Variants in KIAA1671 observed in about 807,000 individuals in gnomAD.
KIAA1671 encodes the protein KIAA1671, also known as uncharacterized protein KIAA1671.
A neutral mutation model predicts 131.2 loss-of-function variants in KIAA1671; 52 were observed. That is an observed-to-expected ratio of 0.40 (90% confidence interval 0.32 to 0.50). The LOEUF (loss-of-function observed/expected upper bound fraction) is 0.50, where lower values mean the gene tolerates loss of function less well. Ranked by LOEUF, KIAA1671 falls within the 20% of genes least tolerant of loss-of-function variation. The probability of loss-of-function intolerance (pLI) is 0.73; values close to 1 mark genes in which losing one functional copy is unlikely to be tolerated. For synonymous variants in KIAA1671, 1,003 were observed against 961.6 expected, an observed-to-expected ratio of 1.04 and a Z score of -0.80; for missense variants, 2,360 against 2,364.2, an observed-to-expected ratio of 1.00 and a Z score of 0.04.
chr22:25,129,658 C>T (rs951049610), intron 6 of KIAA1671, among the ~76,000 whole-genome samples: 1 of 102,098 alleles, frequency 9.8e-6, no homozygotes, highest in Non-Finnish European at 1.8e-5. Context: ...TTTCTCTTTT[C>T]CTTTTTTTTT....
At chr22:25,099,415 C>T (rs1004979718) in intron 6 of KIAA1671, among the ~76,000 whole-genome samples, 3 of 151,984 alleles carry the variant, frequency 2.0e-5, no homozygotes, top group African/African-American at 7.2e-5. Context: ...GCCTGGCACA[C>T]ACAATATGTC....
rs1423399942 is a variant in KIAA1671 at position 25,194,708 on chromosome 22, G to A, written c.*2307G>A. On this transcript the variant is annotated 3_prime_UTR_variant, in exon 13 of 13. Transcript: ENST00000358431. ...CCCTCCTTGAAAGTGACTAGGGCAA[G>A]CCCTGAAGATCTTCCTCACCTCCTT... The A allele has an allele frequency of 3.9e-5, 6 of 152,214 alleles. No homozygotes were observed. The highest frequency in any genetic ancestry group is 5.9e-5 in the Non-Finnish European group (4 of 68,048). 9.4% of individuals were successfully genotyped at this position (152,214 alleles called of 1,614,324 possible).
intron 6 of KIAA1671, chr22:25,102,463 G>A (rs1930737086): frequency 6.6e-6 from 1 of 152,256 alleles, no homozygotes; most frequent in Non-Finnish European, 1.5e-5. Flanking sequence ...GTTGTTTTGA[G>A]ACAGAGTCTT....
At chr22:25,156,274 C>T (rs1933239307) in intron 6 of KIAA1671, among the ~76,000 whole-genome samples, 1 of 151,848 alleles carries the variant, frequency 6.6e-6, no homozygotes, top group Admixed American at 6.6e-5. Flanking sequence ...ATCCGCCCTC[C>T]TCGGCTTCCC....
At chr22:25,099,764 C>T (rs1427044288) in intron 6 of KIAA1671, among the ~76,000 whole-genome samples, 7 of 152,132 alleles carry the variant, frequency 4.6e-5, no homozygotes, top group Admixed American at 1.3e-4. Flanking sequence ...CCACCCGCCT[C>T]GGCCTCCCGA....
intron 6 of KIAA1671, among the ~76,000 whole-genome samples, chr22:25,072,606 TG>T (rs1928888495): frequency 6.6e-6 from 1 of 152,170 alleles, no homozygotes; most frequent in Admixed American, 6.5e-5. Flanking sequence ...AACTCTTGCT[TG>T]ACCTCTCAAG....
intron 6 of KIAA1671, among the ~76,000 whole-genome samples, chr22:25,163,690 G>A (rs1933542915): frequency 6.6e-6 from 1 of 151,474 alleles, no homozygotes; most frequent in African/African-American, 2.4e-5. Context: ...TGCCCACCTC[G>A]GCCTCCCAAA....
chr22:25,185,334 G>A (rs1934440040), intron 11 of KIAA1671: 1 of 541,414 alleles, frequency 1.8e-6, no homozygotes, highest in Non-Finnish European at 3.1e-6. Context: ...CAGGCCAGCT[G>A]GCCTCTCCTC....
At chr22:25,080,079 C>T (rs1929326638) in intron 6 of KIAA1671, among the ~76,000 whole-genome samples, 1 of 152,140 alleles carries the variant, frequency 6.6e-6, no homozygotes, top group South Asian at 2.1e-4. Context: ...AGTTTGCCAT[C>T]TGCTAAAAGA....
intron 6 of KIAA1671, among the ~76,000 whole-genome samples, chr22:25,100,896 T>C (rs1269493326): frequency 6.6e-6 from 1 of 152,116 alleles, no homozygotes; most frequent in Non-Finnish European, 1.5e-5. Flanking sequence ...CTTCTCATTT[T>C]TTCAATCTTT....
intron 1 of KIAA1671, among the ~76,000 whole-genome samples, chr22:24,977,562 A>T (rs1922977859): frequency 6.6e-6 from 1 of 151,856 alleles, no homozygotes; most frequent in Admixed American, 6.6e-5. Flanking sequence ...TCAGGAATCC[A>T]CCTCCCCCAG....
intron 1 of KIAA1671, among the ~76,000 whole-genome samples, chr22:25,015,536 C>T (rs1925264695): frequency 6.6e-6 from 1 of 152,148 alleles, no homozygotes; most frequent in Non-Finnish European, 1.5e-5. Context: ...AACATTGTTT[C>T]TCCAGATCAG....
At chr22:25,057,968 C>T (rs1927946441) in intron 6 of KIAA1671, 1 of 152,168 alleles carries the variant, frequency 6.6e-6, no homozygotes, top group African/African-American at 2.4e-5. Flanking sequence ...AGAATCCATC[C>T]TAGCACCCTG....
intron 6 of KIAA1671, among the ~76,000 whole-genome samples, chr22:25,166,347 G>T (rs982089051): frequency 2.0e-5 from 3 of 152,264 alleles, no homozygotes; most frequent in Middle Eastern, 6.8e-3. Context: ...AACCTCTGTG[G>T]GGGAGGGCAC....
intron 1 of KIAA1671, among the ~76,000 whole-genome samples, chr22:24,969,466 G>T (rs1321735950): frequency 6.6e-6 from 1 of 152,084 alleles, no homozygotes; most frequent in Non-Finnish European, 1.5e-5. Flanking sequence ...AAAAACCTCT[G>T]TACATGTTCA....
At chr22:25,034,316 G>T (rs974789521) in intron 4 of KIAA1671, among the ~76,000 whole-genome samples, 1 of 152,034 alleles carries the variant, frequency 6.6e-6, no homozygotes, top group Non-Finnish European at 1.5e-5. Context: ...AAAGTGCTGG[G>T]GTTACAAGTG....
rs1231536593 is a variant in KIAA1671, at chr22:25,041,077, C to T, written c.3947C>T (p.Ala1316Val). Residue 1316 changes from alanine (A) to valine (V), a missense_variant, in exon 5 of 13, where the codon GCG becomes GTG. Around this residue, in one of 3 missense-constraint regions of KIAA1671, gnomAD observed 1,161 missense variants for 1,204.7 expected, o/e 0.96. Coordinates refer to ENST00000358431, the MANE Select transcript of KIAA1671 (RefSeq NM_001145206.2). ...TATCCAGGGGGCTCTCCTATACCTGCGGATCCCAGGAAAAAAACGGGGTTT... is the reference window on the plus strand; with the variant it reads ...TATCCAGGGGGCTCTCCTATACCTGTGGATCCCAGGAAAAAAACGGGGTTT... ...ERYPGGSPIP[A>V]DPRKKTGFAE... is the part of the protein sequence containing the mutation. The T allele has an allele frequency of 3.1e-5, 47 of 1,537,270 alleles. No homozygotes were observed. The highest frequency in any genetic ancestry group is 3.9e-5 in the Non-Finnish European group (45 of 1,139,866).
chr22:24,964,523 G>C (rs1417482600), intron 1 of KIAA1671, among the ~76,000 whole-genome samples: 3 of 152,022 alleles, frequency 2.0e-5, no homozygotes, highest in Non-Finnish European at 1.5e-5. Flanking sequence ...CCAGGCTCAA[G>C]TGATTCTCTC....
intron 6 of KIAA1671, among the ~76,000 whole-genome samples, chr22:25,119,933 A>G (rs1017866974): frequency 1.3e-5 from 2 of 152,206 alleles, no homozygotes; most frequent in Non-Finnish European, 2.9e-5. Flanking sequence ...GGGGATTCTG[A>G]TAGGATGTCA....
Sources: allele counts gnomAD v4.1 joint callset (sites outside exome capture counted in the v4.1 genomes callset), GRCh38; gene constraint gnomAD v4.1.1; regional missense constraint gnomAD v4.1.1; transcripts MANE v1.5; gene names NCBI Gene and HGNC (gene_info 2026-07-23, HGNC 2026-07-21).